The following GIPC2 variants were observed in gnomAD, a reference collection of about 807,000 sequenced individuals.
GIPC2 encodes the protein PDZ domain-containing protein GIPC2.
Under a neutral mutation model 30.6 loss-of-function variants are expected in GIPC2, and 30 were observed. The observed-to-expected ratio is 0.98, with a 90% CI of 0.73 to 1.33. The LOEUF (loss-of-function observed/expected upper bound fraction) is 1.33. GIPC2 is among the 40% of genes most tolerant of loss of function. The pLI, the probability that GIPC2 is intolerant of heterozygous loss-of-function variation, is 0.00. For missense variants in GIPC2, 414 were observed against 390.3 expected, an observed-to-expected ratio of 1.06 and a Z score of -0.51; for synonymous variants, 167 against 150.0, an observed-to-expected ratio of 1.11 and a Z score of -0.83.
At position 78,134,678 on chromosome 1, in the gene GIPC2, C is replaced by T. The variant is rs568239663; in HGVS notation, c.797-914C>T. On this transcript the variant is annotated intron_variant, in intron 5 of 5. Transcript: ENST00000370759. ...TGATGGGAAGAGGCATAGCTTTTAT[C>T]TCTCTAGACCTTGTGGCTCGTTCAG... Among the ~76,000 whole-genome samples the T allele has an allele frequency of 3.9e-5, 6 of 152,308 alleles. No homozygotes were observed. In the South Asian group the frequency reaches 1.2e-3, roughly 32 times the overall value.
chr1:78,063,496 A>C (rs1346614673), intron 1 of GIPC2, among the ~76,000 whole-genome samples: 1 of 140,180 alleles, frequency 7.1e-6, no homozygotes, highest in Non-Finnish European at 1.6e-5. Context: ...CCATCTCAAA[A>C]AAACAAACAA....
At chr1:78,107,820 G>C (rs1250653316) in intron 3 of GIPC2, among the ~76,000 whole-genome samples, 2 of 68,390 alleles carry the variant, frequency 2.9e-5, no homozygotes, top group African/African-American at 1.2e-4. Flanking sequence ...GTGAAACTCT[G>C]TCTCAAAAAA....
intron 5 of GIPC2, among the ~76,000 whole-genome samples, chr1:78,130,795 C>T (rs777408108): frequency 2.0e-5 from 3 of 152,082 alleles, no homozygotes; most frequent in Non-Finnish European, 4.4e-5. Flanking sequence ...AGATTTTTAA[C>T]CGTAAAGATT....
intron 1 of GIPC2, among the ~76,000 whole-genome samples, chr1:78,047,748 A>G (rs1319638666): frequency 6.6e-6 from 1 of 152,178 alleles, no homozygotes; most frequent in African/African-American, 2.4e-5. Context: ...CCGTATGTAA[A>G]CGTATCAGAT....
intron 1 of GIPC2, among the ~76,000 whole-genome samples, chr1:78,049,991 T>G (rs10873964): frequency 0.52 from 78,221 of 150,072 alleles, 20,955 homozygotes; most frequent in South Asian, 0.71. Flanking sequence ...CCGCCTTCTG[T>G]GTTCAAGTGA....
At chr1:78,082,806 T>A (rs994451148) in intron 2 of GIPC2, among the ~76,000 whole-genome samples, 1 of 152,186 alleles carries the variant, frequency 6.6e-6, no homozygotes, top group African/African-American at 2.4e-5. Context: ...TGAAATTTTT[T>A]AAAAATTGGG....
intron 2 of GIPC2, among the ~76,000 whole-genome samples, chr1:78,085,214 T>G (rs1318590493): frequency 6.6e-6 from 1 of 152,220 alleles, no homozygotes; most frequent in African/African-American, 2.4e-5. Context: ...TTAGTTCTGT[T>G]TATGTGATGA....
intron 1 of GIPC2, among the ~76,000 whole-genome samples, chr1:78,079,111 T>C (rs188924982): frequency 4.6e-5 from 7 of 152,326 alleles, no homozygotes; most frequent in African/African-American, 1.7e-4. Flanking sequence ...CAAAAACTTA[T>C]TATCTACAAA....
At position 78,048,349 on chromosome 1, in the gene GIPC2, T is replaced by A. The variant is rs185365378; in HGVS notation, c.240+2015T>A. On this transcript the variant is annotated intron_variant, in intron 1 of 5. Coordinates refer to ENST00000370759, the MANE Select transcript of GIPC2 (RefSeq NM_017655.6). Reference sequence around the variant, plus strand: ...GAAACAGACTTTGAGGTTCAGAATTTTTCCAGAATTACACATAGCAAGTGG... The same window carrying A: ...GAAACAGACTTTGAGGTTCAGAATTATTCCAGAATTACACATAGCAAGTGG... Among the ~76,000 whole-genome samples, 946 of 152,278 alleles carry A rather than the reference T, an allele frequency of 6.2e-3. 11 individuals carry two copies. The highest frequency in any genetic ancestry group is 7.3e-3 in the Non-Finnish European group (495 of 68,024).
At chr1:78,123,863 G>T (rs1431878604) in intron 4 of GIPC2, among the ~76,000 whole-genome samples, 2 of 152,156 alleles carry the variant, frequency 1.3e-5, no homozygotes, top group African/African-American at 4.8e-5. Flanking sequence ...GCTTTATACA[G>T]ACAATTCAAG....
rs1315419661 is a variant in GIPC2 at position 78,134,649 on chromosome 1, G to A, written c.797-943G>A. 2.6e-5 allele frequency among the ~76,000 whole-genome samples: 4 copies of A among 152,170 alleles called. No individual in the cohort carries two copies. In the East Asian group the frequency reaches 7.7e-4, roughly 29 times the overall value. On this transcript the variant is annotated intron_variant, in intron 5 of 5. Transcript: ENST00000370759. ...TCCTAGCCTGCCTTGTGTTAGGACT[G>A]AACTGATGGGAAGAGGCATAGCTTT... is the stretch of plus-strand genomic sequence containing the variant.
Position 78,132,571 on chromosome 1 carries a change from G to A in GIPC2, c.797-3021G>A, listed in dbSNP as rs113374806. Among the ~76,000 whole-genome samples the A allele has an allele frequency of 3.0e-3, 457 of 151,998 alleles. 1 individual carries two copies. The highest frequency in any genetic ancestry group is 0.011 in the African/African-American group (441 of 41,450). On this transcript the variant is annotated intron_variant, in intron 5 of 5. Transcript: ENST00000370759. ...GTGAAATCTACAACATGGAGTTCCC[G>A]GGCTTAGTGCACTAGACAATGCTGC...
At position 78,046,003 on chromosome 1, in the gene GIPC2, C is replaced by G. The variant is rs1369949827; in HGVS notation, c.-92C>G. The G allele has an allele frequency of 8.6e-6, 12 of 1,392,864 alleles. No homozygotes were observed. Among genetic ancestry groups the G allele is most frequent in the Non-Finnish European group, 1.0e-5 (11 of 1,076,470 alleles). 86.3% of individuals were successfully genotyped at this position (1,392,864 alleles called of 1,614,324 possible). On this transcript the variant is annotated 5_prime_UTR_variant, in exon 1 of 6. Coordinates refer to ENST00000370759, the MANE Select transcript of GIPC2 (RefSeq NM_017655.6). ...GGCTGCCATTGGAGGCTGCTTTTAC[C>G]TGCGCGGGGCCCGGGGCGCAAAGTC...
upstream of GIPC2, chr1:78,045,067 G>T (rs554531386): frequency 1.0e-6 from 1 of 983,588 alleles, no homozygotes; most frequent in African/African-American, 1.7e-5. Context: ...CAAAATTTAA[G>T]AAGAATGAAA....
chr1:78,130,333 A>G (rs1557553133), intron 5 of GIPC2, among the ~76,000 whole-genome samples: 1 of 151,934 alleles, frequency 6.6e-6, no homozygotes, highest in Non-Finnish European at 1.5e-5. Context: ...CGAACTCCTG[A>G]CCTTGTGATC....
intron 1 of GIPC2, among the ~76,000 whole-genome samples, chr1:78,080,341 A>C (rs1308746569): frequency 6.6e-6 from 1 of 152,134 alleles, no homozygotes; most frequent in Non-Finnish European, 1.5e-5. Context: ...CCTTAGGCAA[A>C]TTACTTATTT....
At chr1:78,104,612 T>A (rs1349997921) in intron 3 of GIPC2, among the ~76,000 whole-genome samples, 1 of 151,922 alleles carries the variant, frequency 6.6e-6, no homozygotes, top group African/African-American at 2.4e-5. Flanking sequence ...GTGAGTAATA[T>A]TGTAAGGGTA....
At chr1:78,126,037 C>A in intron 5 of GIPC2, 75 bp downstream of exon 5, 2 of 671,604 alleles carry the variant, frequency 3.0e-6, no homozygotes, top group East Asian at 2.8e-5. Context: ...ATACATACAG[C>A]CAATTATACT....
At chr1:78,049,289 A>G (rs191427652) in intron 1 of GIPC2, among the ~76,000 whole-genome samples, 52 of 152,244 alleles carry the variant, frequency 3.4e-4, no homozygotes, top group African/African-American at 1.1e-3. Context: ...AGCTTGCCTA[A>G]TAGCTGGGAT....
Sources: allele counts gnomAD v4.1 joint callset (sites outside exome capture counted in the v4.1 genomes callset), GRCh38; gene constraint gnomAD v4.1.1; transcripts MANE v1.5; gene names NCBI Gene and HGNC (gene_info 2026-07-23, HGNC 2026-07-21).